Variants in HPS5 observed in about 807,000 individuals in gnomAD.
HPS5 encodes HPS5 biogenesis of lysosomal organelles complex 2 subunit 2.
In HPS5, 83 loss-of-function variants were observed where a neutral mutation model predicts 128.0. That is an observed-to-expected ratio of 0.65 (90% CI 0.54 to 0.78). The LOEUF (loss-of-function observed/expected upper bound fraction) is 0.78, where lower values mean the gene tolerates loss of function less well. Ranked by LOEUF, HPS5 falls within the 30% of genes least tolerant of loss-of-function variation. The pLI, the probability that HPS5 is intolerant of heterozygous loss-of-function variation, is 0.00. For synonymous variants in HPS5, 475 were observed against 470.2 expected (o/e 1.01, Z -0.13); for missense variants, 1,281 against 1,326.2 (o/e 0.97, Z 0.53).
At chr11:18,292,294 C>G (rs1860510362) in intron 15 of HPS5, among the ~76,000 whole-genome samples, 1 of 150,888 alleles carries the variant, frequency 6.6e-6, no homozygotes, top group Non-Finnish European at 1.5e-5. Flanking sequence ...ACTGCAGGCT[C>G]AAGTGATCCT....
chr11:18,295,268 A>C, intron 13 of HPS5, 99 bp from the exon 14 acceptor site: 3 of 1,169,548 alleles, frequency 2.6e-6, no homozygotes, highest in Non-Finnish European at 3.7e-6. Context: ...AGTCCTAGGG[A>C]GGCAACTTGG....
chr11:18,300,201 T>TA (rs1861530699), intron 9 of HPS5, among the ~76,000 whole-genome samples: 1 of 152,126 alleles, frequency 6.6e-6, no homozygotes, highest in Non-Finnish European at 1.5e-5. Context: ...CAGGGTACAC[T>TA]ATACACTGCA....
Position 18,287,612 on chromosome 11 carries a change from T to C in HPS5, c.2640A>G (p.Ile880Met). Residue 880 changes from isoleucine (I) to methionine (M), a missense_variant, in exon 18 of 23, where the codon ATA (isoleucine) becomes ATG (methionine). Coordinates refer to ENST00000349215, the MANE Select transcript of HPS5 (RefSeq NM_181507.2). ...CAGCAGGATGATGATGACAAAGTTG[T>C]ATGATATCCGATGGCAAAATGGATG... The part of the protein sequence containing the change: ...FFPSILPSDI[I>M]QLCHHHPAEF... The C allele has an allele frequency of 1.9e-6, 3 of 1,614,176 alleles. No individual in the cohort carries two copies. The Admixed American group carries it at 5.0e-5, about 27-fold the overall frequency.
At position 18,295,171 on chromosome 11, in the gene HPS5, T is replaced by C. The variant is rs899237804; in HGVS notation, c.1635-2A>G. 2.5e-6 allele frequency: 4 copies of C among 1,613,576 alleles called. No individual in the cohort carries two copies. The African/African-American group carries it at 5.3e-5, about 22-fold the overall frequency. On this transcript the variant is annotated splice_acceptor_variant, in intron 13 of 22. Transcript: ENST00000349215. LOFTEE classifies it high-confidence loss of function. ...GTTTTACGCACAAAGCTAGAAACACTAGAAGTCAAATAACAAAAAACTAAC... is the reference window on the plus strand; with the variant it reads ...GTTTTACGCACAAAGCTAGAAACACCAGAAGTCAAATAACAAAAAACTAAC...
Position 18,298,786 on chromosome 11 carries a change from A to C in HPS5, c.1164+6T>G. The C allele has an allele frequency of 6.2e-7, 1 of 1,613,826 alleles. No individual in the cohort carries two copies. Among genetic ancestry groups the C allele is most frequent in the South Asian group, 1.1e-5 (1 of 91,068 alleles). ...GGTAAAGATGTCTAGGTAAGCTCTG[A>C]CTCACTCTGCTGGCAATGACAGAAT... On this transcript the variant is annotated splice_donor_region_variant and intron_variant, in intron 10 of 22. Transcript: ENST00000349215.
chr11:18,308,798 A>G (rs1862638469), intron 6 of HPS5, 148 bp downstream of exon 6: 2 of 722,576 alleles, frequency 2.8e-6, no homozygotes, highest in East Asian at 2.8e-5. Flanking sequence ...CCTGAGTGAC[A>G]GAGTGAGACC....
In HPS5 at chr11:18,322,048, G is replaced by C. The variant is rs1336608807; in HGVS notation, c.-152C>G. ...ACAGACCAGCAGCCCGGAGGTCCCAGCCCAGCTCCACCACATCCAGGGCAG... is the reference window on the plus strand; with the variant it reads ...ACAGACCAGCAGCCCGGAGGTCCCACCCCAGCTCCACCACATCCAGGGCAG... On this transcript the variant is annotated 5_prime_UTR_variant, in exon 1 of 23. Transcript: ENST00000349215. 6.5e-6 allele frequency: 1 copy of C among 152,986 alleles called. No homozygotes were observed. Among genetic ancestry groups the C allele is most frequent in the Non-Finnish European group, 1.5e-5 (1 of 68,628 alleles). The allele number at this position is 152,986 out of a possible 1,614,324, so 9.5% of individuals were successfully genotyped here.
intron 22 of HPS5, among the ~76,000 whole-genome samples, chr11:18,281,547 G>A (rs1217368268): frequency 1.3e-5 from 2 of 149,032 alleles, no homozygotes; most frequent in Non-Finnish European, 3.0e-5. Flanking sequence ...CTACAGGCAC[G>A]TGCCACCACA....
intron 8 of HPS5, among the ~76,000 whole-genome samples, chr11:18,302,805 T>C: frequency 1.2e-5 from 1 of 83,064 alleles, no homozygotes; most frequent in Non-Finnish European, 2.1e-5. Context: ...CCTTCAAGAG[T>C]CAAAGGAGAA....
intron 2 of HPS5, among the ~76,000 whole-genome samples, chr11:18,315,983 A>G (rs990377180): frequency 6.6e-6 from 1 of 152,180 alleles, no homozygotes; most frequent in Non-Finnish European, 1.5e-5. Flanking sequence ...ACAGCCAGGC[A>G]TGGTGGCTCC....
At chr11:18,316,965 C>T (rs966126177) in intron 2 of HPS5, among the ~76,000 whole-genome samples, 3 of 152,010 alleles carry the variant, frequency 2.0e-5, no homozygotes, top group African/African-American at 4.8e-5. Context: ...GAGGCCGAGG[C>T]GGGCAGATCA....
chr11:18,281,475 C>T (rs1156996030), intron 22 of HPS5, among the ~76,000 whole-genome samples: 1 of 151,866 alleles, frequency 6.6e-6, no homozygotes, highest in East Asian at 1.9e-4. Flanking sequence ...TCTTGGCTCA[C>T]TGCAACCTCC....
chr11:18,292,563 A>G (rs1860544592), intron 15 of HPS5, among the ~76,000 whole-genome samples: 1 of 152,192 alleles, frequency 6.6e-6, no homozygotes, highest in Admixed American at 6.5e-5. Context: ...CTACTGATGG[A>G]CTCAGAAAGT....
intron 19 of HPS5, among the ~76,000 whole-genome samples, chr11:18,286,360 T>C (rs1859718699): frequency 6.6e-6 from 1 of 151,996 alleles, no homozygotes; most frequent in African/African-American, 2.4e-5. Flanking sequence ...GCCTGGGCCA[T>C]AAGGCGAAAT....
At chr11:18,297,386 C>T (rs1482879155) in intron 11 of HPS5, among the ~76,000 whole-genome samples, 173 bp downstream of exon 11, 1 of 152,132 alleles carries the variant, frequency 6.6e-6, no homozygotes, top group African/African-American at 2.4e-5. Flanking sequence ...CCAAGACACA[C>T]CTAAATGGAG....
chr11:18,309,085 A>C lies in HPS5; in HGVS notation c.478-6T>G. ...ATCACAAAAGCAGCAGCTGCCTAAA[A>C]GGAATGTGAGAAAGAAATAAAGTTT... On this transcript the variant is annotated splice_region_variant and splice_polypyrimidine_tract_variant and intron_variant, in intron 5 of 22. Coordinates refer to ENST00000349215, the MANE Select transcript of HPS5 (RefSeq NM_181507.2). 6.2e-7 allele frequency: 1 copy of C among 1,613,384 alleles called. No individual in the cohort carries two copies. Among genetic ancestry groups the C allele is most frequent in the African/African-American group, 1.3e-5 (1 of 75,054 alleles).
At chr11:18,315,716 CA>C (rs1370245288) in intron 2 of HPS5, among the ~76,000 whole-genome samples, 4 of 152,014 alleles carry the variant, frequency 2.6e-5, no homozygotes, top group Non-Finnish European at 5.9e-5. Context: ...ATCAAATAAC[CA>C]GGAAAAATCA....
Position 18,288,028 on chromosome 11 carries a change from A to T in HPS5, c.2441-15T>A. ...ACTTGCCATTTCTGAAATATAAAGCATATCCTTTTCCAAACTTTATCTCTT... is the reference window on the plus strand; with the variant it reads ...ACTTGCCATTTCTGAAATATAAAGCTTATCCTTTTCCAAACTTTATCTCTT... On this transcript the variant is annotated splice_polypyrimidine_tract_variant and intron_variant, in intron 16 of 22. Coordinates refer to ENST00000349215, the MANE Select transcript of HPS5 (RefSeq NM_181507.2). 6.2e-7 allele frequency: 1 copy of T among 1,613,250 alleles called. No homozygotes were observed. Among genetic ancestry groups the T allele is most frequent in the Non-Finnish European group, 8.5e-7 (1 of 1,179,710 alleles).
In HPS5 at chr11:18,296,887, G is replaced by A. The variant is rs1200837988; in HGVS notation, c.1421C>T (p.Thr474Ile). ...DEDSCSLHSQ[T>I]LSEDERFKEF... The stretch of plus-strand genomic sequence containing the variant: ...TTTAAATCTCTCATCTTCTGAGAGG[G>A]TTTGGCTGTGAAGGGAGCAAGAGTC... The change falls in exon 12 of 23, where the codon ACC (threonine) becomes ATC (isoleucine). Residue 474 changes from threonine (T) to isoleucine (I), a missense_variant. Coordinates refer to ENST00000349215, the MANE Select transcript of HPS5 (RefSeq NM_181507.2). 1.2e-6 allele frequency: 2 copies of A among 1,612,192 alleles called. No homozygotes were observed. Among genetic ancestry groups the A allele is most frequent in the Admixed American group, 1.7e-5 (1 of 60,012 alleles).
Sources: allele counts gnomAD v4.1 joint callset (sites outside exome capture counted in the v4.1 genomes callset), GRCh38; gene constraint gnomAD v4.1.1; transcripts MANE v1.5; gene names NCBI Gene and HGNC (gene_info 2026-07-23, HGNC 2026-07-21).